Variants in CHRNB3 observed in about 807,000 individuals in gnomAD.
CHRNB3 encodes the protein neuronal acetylcholine receptor subunit beta-3.
In CHRNB3, 37 loss-of-function variants were observed where a neutral mutation model predicts 40.6. The observed-to-expected ratio is 0.91, with a 90% CI of 0.70 to 1.20. The LOEUF (loss-of-function observed/expected upper bound fraction) is 1.20, where lower values mean the gene tolerates loss of function less well. Among genes scored for constraint, CHRNB3 ranks in the 50% most tolerant of loss-of-function variants. CHRNB3 has a pLI of 0.00. For synonymous variants in CHRNB3, 207 were observed against 207.1 expected (o/e 1.00, Z 0.00); for missense variants, 505 against 551.2 (o/e 0.92, Z 0.84).
intron 1 of CHRNB3, among the ~76,000 whole-genome samples, chr8:42,708,293 C>G (rs1490245248): frequency 6.6e-6 from 1 of 152,150 alleles, no homozygotes; most frequent in African/African-American, 2.4e-5. Context: ...GAGGAAACCC[C>G]TTCTCTACTA....
rs570473697 is a variant in CHRNB3 at position 42,716,088 on chromosome 8, G to C, written c.249+5654G>C. Among the ~76,000 whole-genome samples the C allele has an allele frequency of 8.2e-5, 12 of 145,564 alleles. No individual in the cohort carries two copies. In the East Asian group the frequency reaches 2.5e-3, roughly 30 times the overall value. On this transcript the variant is annotated intron_variant, in intron 3 of 5. Coordinates refer to ENST00000289957, the MANE Select transcript of CHRNB3 (RefSeq NM_000749.5). ...CCGCTTCCTGGGTTCAAGTAATTCTGCTTCAGCCTCCCGAGTAGCTGGGAT... is the reference window on the plus strand; with the variant it reads ...CCGCTTCCTGGGTTCAAGTAATTCTCCTTCAGCCTCCCGAGTAGCTGGGAT...
chr8:42,703,459 T>G, intron 1 of CHRNB3, among the ~76,000 whole-genome samples: 1 of 125,500 alleles, frequency 8.0e-6, no homozygotes, highest in East Asian at 2.9e-4. Flanking sequence ...TATATATATA[T>G]ATGTATCCAC....
chr8:42,711,223 T>C (rs527472102), intron 3 of CHRNB3, among the ~76,000 whole-genome samples: 6 of 152,042 alleles, frequency 3.9e-5, no homozygotes, highest in East Asian at 1.9e-4. Flanking sequence ...GGCAGGAGAA[T>C]TGCTTGAACC....
chr8:42,713,629 T>G (rs1441431015), intron 3 of CHRNB3, among the ~76,000 whole-genome samples: 1 of 152,198 alleles, frequency 6.6e-6, no homozygotes, highest in Admixed American at 6.5e-5. Flanking sequence ...AATACTGATG[T>G]ACATTGTAAC....
intron 5 of CHRNB3, among the ~76,000 whole-genome samples, chr8:42,736,277 G>A (rs1816521639): frequency 6.6e-6 from 1 of 152,196 alleles, no homozygotes; most frequent in South Asian, 2.1e-4. Context: ...CAGTGCTGAT[G>A]AGAGTGTTCC....
intron 1 of CHRNB3, among the ~76,000 whole-genome samples, chr8:42,703,143 T>A (rs1253478187): frequency 2.0e-5 from 3 of 151,640 alleles, no homozygotes; most frequent in African/African-American, 7.3e-5. Flanking sequence ...TTCATCCATG[T>A]CCGGGAGTGG....
intron 3 of CHRNB3, among the ~76,000 whole-genome samples, chr8:42,712,059 C>G (rs1381679900): frequency 2.6e-5 from 4 of 152,222 alleles, no homozygotes; most frequent in African/African-American, 9.6e-5. Context: ...ATGGCGCAAT[C>G]TCGGCTCACT....
At chr8:42,712,691 A>G (rs1816036506) in intron 3 of CHRNB3, among the ~76,000 whole-genome samples, 1 of 152,150 alleles carries the variant, frequency 6.6e-6, no homozygotes, top group African/African-American at 2.4e-5. Context: ...GAGAATTGGG[A>G]AGTATTTTGA....
At chr8:42,707,143 C>T (rs75392696) in intron 1 of CHRNB3, among the ~76,000 whole-genome samples, 6,304 of 152,262 alleles carry the variant, frequency 0.041, 171 homozygotes, top group South Asian at 0.08. Context: ...GAAAATGGGG[C>T]TGGGAACCGT....
intron 3 of CHRNB3, among the ~76,000 whole-genome samples, chr8:42,717,819 CTTTT>C (rs71550406): frequency 2.7e-3 from 274 of 100,178 alleles, no homozygotes; most frequent in Non-Finnish European, 4.1e-3. Context: ...CTTTCTCATC[CTTTT>C]TTTTTTTTTT....
At position 42,725,677 on chromosome 8, in the gene CHRNB3, G is replaced by C; in HGVS notation, c.250-4917G>C. 1.2e-5 allele frequency: 11 copies of C among 955,628 alleles called. No individual in the cohort carries two copies. The South Asian group carries it at 1.4e-4, about 12-fold the overall frequency. The allele number at this position is 955,628 out of a possible 1,614,324, so 59.2% of individuals were successfully genotyped here. On this transcript the variant is annotated intron_variant, in intron 3 of 5. Coordinates refer to ENST00000289957, the MANE Select transcript of CHRNB3 (RefSeq NM_000749.5). Reference sequence around the variant, plus strand: ...GAGGTGGAAAGGGCACAAGAACCACGAGATCTCCTGGAAATGCTTCTCCAG... The same window carrying C: ...GAGGTGGAAAGGGCACAAGAACCACCAGATCTCCTGGAAATGCTTCTCCAG...
At position 42,732,123 on chromosome 8, in the gene CHRNB3, G is replaced by A. The variant is rs1459626441; in HGVS notation, c.816G>A (p.Leu272=). The A allele has an allele frequency of 5.6e-6, 9 of 1,613,268 alleles. No homozygotes were observed. Among genetic ancestry groups the A allele is most frequent in the Middle Eastern group, 1.6e-4 (1 of 6,074 alleles). ...GEKLSLSTSV[L]VSLTVFLLVI... ...AACTTTCATTATCCACATCGGTCTT[G>A]GTTTCTCTGACAGTTTTCCTTTTAG... The change falls in exon 5 of 6, where the codon TTG becomes TTA. Residue 272 remains leucine (L), a synonymous_variant. Coordinates refer to ENST00000289957, the MANE Select transcript of CHRNB3 (RefSeq NM_000749.5).
At chr8:42,722,263 G>T (rs1816230041) in intron 3 of CHRNB3, among the ~76,000 whole-genome samples, 1 of 152,074 alleles carries the variant, frequency 6.6e-6, no homozygotes, top group Admixed American at 6.6e-5. Flanking sequence ...TACCGGAGAG[G>T]CTGGGGCAGG....
At chr8:42,733,621 G>A (rs1474600388) in intron 5 of CHRNB3, among the ~76,000 whole-genome samples, 1 of 119,682 alleles carries the variant, frequency 8.4e-6, no homozygotes, top group African/African-American at 3.1e-5. Flanking sequence ...TTTGAGAGGA[G>A]TCTTGCTGTC....
At chr8:42,713,792 G>C (rs955112702) in intron 3 of CHRNB3, among the ~76,000 whole-genome samples, 3 of 152,130 alleles carry the variant, frequency 2.0e-5, no homozygotes, top group Non-Finnish European at 4.4e-5. Context: ...ACCTGACTTA[G>C]GAAAAGAGAC....
At chr8:42,722,875 TGG>T (rs1352708550) in intron 3 of CHRNB3, among the ~76,000 whole-genome samples, 2 of 152,100 alleles carry the variant, frequency 1.3e-5, no homozygotes, top group East Asian at 3.9e-4. Flanking sequence ...AGCTCCCTCT[TGG>T]GGGAGGGATG....
intron 1 of CHRNB3, among the ~76,000 whole-genome samples, chr8:42,697,955 C>T (rs564289238): frequency 3.3e-5 from 5 of 152,292 alleles, no homozygotes; most frequent in African/African-American, 1.2e-4. Flanking sequence ...ACTATATCAA[C>T]ATTTTTCTAT....
At chr8:42,734,569 G>A (rs1371637574) in intron 5 of CHRNB3, among the ~76,000 whole-genome samples, 5 of 151,308 alleles carry the variant, frequency 3.3e-5, no homozygotes, top group Non-Finnish European at 5.9e-5. Context: ...ACAGGCACCC[G>A]CCACCACGCC....
At chr8:42,720,164 G>C (rs1816194986) in intron 3 of CHRNB3, among the ~76,000 whole-genome samples, 1 of 109,316 alleles carries the variant, frequency 9.1e-6, no homozygotes, top group Non-Finnish European at 1.7e-5. Context: ...GTCTTGCTCT[G>C]TCACCAGGCT....
Sources: gnomAD v4.1 joint callset for allele counts (sites outside exome capture counted in the v4.1 genomes callset) on GRCh38, gnomAD v4.1.1 for gene constraint, MANE v1.5 for transcripts, NCBI Gene and HGNC (gene_info 2026-07-23, HGNC 2026-07-21) for gene names.